Variants in MOB3B observed in about 807,000 individuals in gnomAD.
The protein encoded by MOB3B is MOB kinase activator 3B.
Under a neutral mutation model 18.7 loss-of-function variants are expected in MOB3B, and 7 were observed. The ratio of observed to expected loss-of-function variants is 0.37; its 90% CI spans 0.21 to 0.70. The LOEUF (loss-of-function observed/expected upper bound fraction) is 0.70. Ranked by LOEUF, MOB3B falls within the 30% of genes least tolerant of loss-of-function variation. The probability of loss-of-function intolerance (pLI) is 0.52; values close to 1 mark genes in which losing one functional copy is unlikely to be tolerated. For missense variants in MOB3B, 253 were observed against 281.3 expected, an observed-to-expected ratio of 0.90 and a Z score of 0.72; for synonymous variants, 111 against 99.9, an observed-to-expected ratio of 1.11 and a Z score of -0.66.
At chr9:27,389,663 G>T (rs1821697801) in intron 2 of MOB3B, among the ~76,000 whole-genome samples, 1 of 152,030 alleles carries the variant, frequency 6.6e-6, no homozygotes, top group Non-Finnish European at 1.5e-5. Flanking sequence ...TAGTCCATTA[G>T]CTCCCTGAGG....
Position 27,470,114 on chromosome 9 carries a change from G to GAAAAAAAAA in MOB3B, c.-198-14375_-198-14367dup, listed in dbSNP as rs751414011. The stretch of plus-strand genomic sequence containing the variant: ...CAGAGTGAGACCCTGTCTCTTAAAA[G>GAAAAAAAAA]AAAAAAAAAAAAAAGAAAAGAAAAC... On this transcript the variant is annotated intron_variant, in intron 1 of 3. Transcript: ENST00000262244. Among the ~76,000 whole-genome samples the GAAAAAAAAA allele has an allele frequency of 1.7e-4, 21 of 125,738 alleles. 2 individuals are homozygous for GAAAAAAAAA. Among genetic ancestry groups the GAAAAAAAAA allele is most frequent in the East Asian group, 1.2e-3 (5 of 4,244 alleles). 82.5% of individuals were successfully genotyped at this position (125,738 alleles called of 152,430 possible). A position where few individuals can be genotyped will look rare whatever the true frequency, so the allele number is the denominator to read the frequency against.
chr9:27,501,736 T>G (rs75155417), intron 1 of MOB3B, among the ~76,000 whole-genome samples: 4,700 of 147,022 alleles, frequency 0.032, 103 homozygotes, highest in Middle Eastern at 0.063. Flanking sequence ...CACTGCACCG[T>G]AGTCTGGGCG....
chr9:27,356,341 C>G (rs1263589575), intron 3 of MOB3B, among the ~76,000 whole-genome samples: 3 of 152,166 alleles, frequency 2.0e-5, no homozygotes, highest in Non-Finnish European at 4.4e-5. Context: ...TTAAAAATGT[C>G]TGGTTAACCT....
intron 2 of MOB3B, among the ~76,000 whole-genome samples, chr9:27,376,389 T>C (rs973870218): frequency 6.6e-6 from 1 of 152,198 alleles, no homozygotes; most frequent in Non-Finnish European, 1.5e-5. Flanking sequence ...ATAGAAAATA[T>C]TGAAATGAAA....
At chr9:27,347,722 A>G (rs921468487) in intron 3 of MOB3B, among the ~76,000 whole-genome samples, 10 of 152,228 alleles carry the variant, frequency 6.6e-5, no homozygotes, top group Non-Finnish European at 8.8e-5. Context: ...AGGCAGGTGT[A>G]CCATTTTTTA....
intron 3 of MOB3B, among the ~76,000 whole-genome samples, chr9:27,334,629 A>G (rs911980944): frequency 6.6e-6 from 1 of 152,190 alleles, no homozygotes; most frequent in East Asian, 1.9e-4. Context: ...TAAGTGTCAA[A>G]TCTTAGTCTA....
intron 2 of MOB3B, among the ~76,000 whole-genome samples, chr9:27,442,476 C>A (rs941592785): frequency 6.6e-6 from 1 of 152,226 alleles, no homozygotes; most frequent in Admixed American, 6.5e-5. Context: ...CTTTCCTCAG[C>A]AAAACGTGTT....
chr9:27,529,276 AAAT>A (rs58933219), intron 1 of MOB3B, among the ~76,000 whole-genome samples: 60,292 of 151,828 alleles, frequency 0.4, 14,115 homozygotes, highest in East Asian at 0.59. Flanking sequence ...AATCAAGGAC[AAAT>A]CAAGATCCCG....
chr9:27,518,396 C>G (rs1820272797), intron 1 of MOB3B, among the ~76,000 whole-genome samples: 1 of 152,222 alleles, frequency 6.6e-6, no homozygotes, highest in African/African-American at 2.4e-5. Context: ...TGCCTGCCAT[C>G]TGAAATTCTT....
intron 2 of MOB3B, among the ~76,000 whole-genome samples, chr9:27,381,022 T>C (rs1821570498): frequency 6.6e-6 from 1 of 152,166 alleles, no homozygotes; most frequent in African/African-American, 2.4e-5. Context: ...GGGTGAGCTT[T>C]GGAGGAACTT....
chr9:27,445,186 AT>A (rs1280342359), intron 2 of MOB3B, among the ~76,000 whole-genome samples: 1 of 152,122 alleles, frequency 6.6e-6, no homozygotes, highest in Admixed American at 6.6e-5. Flanking sequence ...TTATGCTAAA[AT>A]TTTTTCAGCA....
intron 1 of MOB3B, among the ~76,000 whole-genome samples, chr9:27,482,141 C>T (rs1381266941): frequency 6.6e-6 from 1 of 152,146 alleles, no homozygotes; most frequent in Non-Finnish European, 1.5e-5. Context: ...TGAATGGAAG[C>T]GAAGGCTTAT....
At chr9:27,435,108 G>A (rs1045182322) in intron 2 of MOB3B, among the ~76,000 whole-genome samples, 1 of 150,750 alleles carries the variant, frequency 6.6e-6, no homozygotes, top group African/African-American at 2.4e-5. Flanking sequence ...AGGGAGAAAG[G>A]GATGGTTAAA....
intron 1 of MOB3B, among the ~76,000 whole-genome samples, chr9:27,499,078 T>G (rs1394223935): frequency 6.6e-6 from 1 of 152,212 alleles, no homozygotes; most frequent in Non-Finnish European, 1.5e-5. Flanking sequence ...CTAAACCACC[T>G]GACCAATTTA....
intron 2 of MOB3B, among the ~76,000 whole-genome samples, chr9:27,384,608 G>A (rs1446784996): frequency 3.3e-5 from 5 of 152,146 alleles, no homozygotes; most frequent in Non-Finnish European, 7.4e-5. Flanking sequence ...AACAATTCCA[G>A]CAGAACTCAT....
intron 2 of MOB3B, among the ~76,000 whole-genome samples, chr9:27,423,394 T>TAC (rs1178202051): frequency 1.7e-4 from 23 of 134,808 alleles, no homozygotes; most frequent in African/African-American, 6.3e-4. Flanking sequence ...GTAATGGCAA[T>TAC]ACTCTTTTTT....
chr9:27,335,851 C>A (rs146827415), intron 3 of MOB3B, among the ~76,000 whole-genome samples: 3 of 152,158 alleles, frequency 2.0e-5, no homozygotes. Flanking sequence ...GTTGTGCGAC[C>A]GTTTATCACA....
chr9:27,370,141 T>C (rs1444164277), intron 2 of MOB3B, among the ~76,000 whole-genome samples: 1 of 152,108 alleles, frequency 6.6e-6, no homozygotes, highest in Non-Finnish European at 1.5e-5. Context: ...CTGATGGTAC[T>C]AGGAGGTGGG....
intron 2 of MOB3B, among the ~76,000 whole-genome samples, chr9:27,432,483 C>T (rs1822431952): frequency 6.6e-6 from 1 of 152,138 alleles, no homozygotes; most frequent in African/African-American, 2.4e-5. Flanking sequence ...TTTCTATGCC[C>T]TGCAATGCCT....
Sources: allele counts gnomAD v4.1 joint callset (sites outside exome capture counted in the v4.1 genomes callset), GRCh38; gene constraint gnomAD v4.1.1; transcripts MANE v1.5; gene names NCBI Gene and HGNC (gene_info 2026-07-23, HGNC 2026-07-21).